Variants in B3GALT1 observed in about 807,000 individuals in gnomAD.
B3GALT1 encodes beta-1,3-galactosyltransferase 1, also known as UDP-Gal:betaGlcNAc beta 1,3-galactosyltransferase, polypeptide 1.
B3GALT1 carries 10 observed loss-of-function variants against 23.2 expected under a neutral mutation model. That is an observed-to-expected ratio of 0.43 (90% CI 0.27 to 0.73). The LOEUF (loss-of-function observed/expected upper bound fraction) is 0.73. B3GALT1 is among the 30% of genes least tolerant of loss of function. The probability of loss-of-function intolerance (pLI) is 0.21; values close to 1 mark genes in which losing one functional copy is unlikely to be tolerated. For synonymous variants in B3GALT1, 156 were observed against 141.5 expected, an observed-to-expected ratio of 1.10 and a Z score of -0.73; for missense variants, 299 against 405.4, an observed-to-expected ratio of 0.74 and a Z score of 2.25.
intron 1 of B3GALT1, among the ~76,000 whole-genome samples, chr2:167,296,698 A>G (rs900667594): frequency 2.6e-5 from 4 of 152,172 alleles, no homozygotes; most frequent in East Asian, 1.9e-4. Context: ...TGTTCCTACT[A>G]TGTGCAAAAT....
intron 1 of B3GALT1, among the ~76,000 whole-genome samples, chr2:167,325,350 G>A (rs1423985880): frequency 6.6e-6 from 1 of 152,004 alleles, no homozygotes; most frequent in Non-Finnish European, 1.5e-5. Context: ...AGCATGGCTG[G>A]GGAGGCCTCA....
chr2:167,501,718 C>CA (rs35445623), intron 2 of B3GALT1, among the ~76,000 whole-genome samples: 3,704 of 65,138 alleles, frequency 0.057, 177 homozygotes, highest in Non-Finnish European at 0.069. Context: ...TCTACAGTGG[C>CA]AAAAAAAAAA....
At chr2:167,377,759 C>T (rs1275679660) in intron 1 of B3GALT1, among the ~76,000 whole-genome samples, 1 of 151,980 alleles carries the variant, frequency 6.6e-6, no homozygotes, top group African/African-American at 2.4e-5. Context: ...ACAGGTAAGT[C>T]TTGTTTTTTA....
intron 3 of B3GALT1, among the ~76,000 whole-genome samples, chr2:167,710,870 G>A (rs547423595): frequency 6.6e-6 from 1 of 152,230 alleles, no homozygotes; most frequent in East Asian, 1.9e-4. Context: ...TTAATAAATA[G>A]CCCGTAGCTG....
At chr2:167,596,914 G>A (rs1574159140) in intron 2 of B3GALT1, among the ~76,000 whole-genome samples, 1 of 152,070 alleles carries the variant, frequency 6.6e-6, no homozygotes, top group East Asian at 1.9e-4. Context: ...ATGTCAAATT[G>A]GTTCTGGAAA....
At chr2:167,369,006 T>C (rs927487161) in intron 1 of B3GALT1, among the ~76,000 whole-genome samples, 3 of 151,996 alleles carry the variant, frequency 2.0e-5, no homozygotes, top group Non-Finnish European at 4.4e-5. Context: ...TATCACAAAA[T>C]TTACATTTTT....
At chr2:167,577,390 T>C (rs1371905224) in intron 2 of B3GALT1, among the ~76,000 whole-genome samples, 1 of 151,914 alleles carries the variant, frequency 6.6e-6, no homozygotes, top group Non-Finnish European at 1.5e-5. Flanking sequence ...AAGGTATTCA[T>C]TTATCAAGTG....
At chr2:167,766,747 G>A (rs969327840) in intron 3 of B3GALT1, among the ~76,000 whole-genome samples, 1 of 152,158 alleles carries the variant, frequency 6.6e-6, no homozygotes, top group Admixed American at 6.6e-5. Flanking sequence ...TGGTGGAGAA[G>A]GACTCTCTGG....
chr2:167,703,030 G>A (rs1321945025), intron 3 of B3GALT1, among the ~76,000 whole-genome samples: 1 of 152,194 alleles, frequency 6.6e-6, no homozygotes, highest in African/African-American at 2.4e-5. Context: ...TCTAGAGAGT[G>A]AATGCTCACC....
chr2:167,653,252 AG>A, intron 3 of B3GALT1, among the ~76,000 whole-genome samples: 1 of 152,330 alleles, frequency 6.6e-6, no homozygotes, highest in South Asian at 2.1e-4. Context: ...TGAAGAAATT[AG>A]GATTCAAAAC....
chr2:167,666,663 G>C (rs1047654503), intron 3 of B3GALT1, among the ~76,000 whole-genome samples: 8 of 152,166 alleles, frequency 5.3e-5, no homozygotes, highest in Non-Finnish European at 8.8e-5. Context: ...ATTTGGGATA[G>C]TTAGCTCTTC....
chr2:167,614,437 T>C (rs1315224664), intron 2 of B3GALT1, among the ~76,000 whole-genome samples: 2 of 150,356 alleles, frequency 1.3e-5, no homozygotes, highest in East Asian at 3.9e-4. Flanking sequence ...TGTTTAAGAG[T>C]TTTCAATTGT....
chr2:167,572,803 G>C (rs1404793875), intron 2 of B3GALT1, among the ~76,000 whole-genome samples: 3 of 151,782 alleles, frequency 2.0e-5, no homozygotes, highest in African/African-American at 7.2e-5. Context: ...GATGCCAAAA[G>C]GAGCCCTCCA....
intron 1 of B3GALT1, among the ~76,000 whole-genome samples, chr2:167,422,188 A>G (rs1459064802): frequency 1.3e-5 from 2 of 151,836 alleles, no homozygotes; most frequent in Non-Finnish European, 2.9e-5. Context: ...GTGACATAAG[A>G]GAGCATTCTC....
intron 1 of B3GALT1, among the ~76,000 whole-genome samples, chr2:167,459,684 C>T (rs1421783638): frequency 6.6e-6 from 1 of 151,928 alleles, no homozygotes; most frequent in East Asian, 1.9e-4. Flanking sequence ...ATGGATTTAC[C>T]TTTATTGAGT....
chr2:167,853,722 A>G (rs1689948648), intron 4 of B3GALT1, among the ~76,000 whole-genome samples: 1 of 152,196 alleles, frequency 6.6e-6, no homozygotes, highest in Admixed American at 6.5e-5. Flanking sequence ...ATGTTGGCAC[A>G]TGTAATTATA....
chr2:167,308,042 A>G (rs1005221864), intron 1 of B3GALT1, among the ~76,000 whole-genome samples: 1 of 152,062 alleles, frequency 6.6e-6, no homozygotes, highest in African/African-American at 2.4e-5. Flanking sequence ...GTGGAGAGTA[A>G]TATTAGTAAC....
At chr2:167,519,581 T>C (rs35898264) in intron 2 of B3GALT1, among the ~76,000 whole-genome samples, 1 of 152,206 alleles carries the variant, frequency 6.6e-6, no homozygotes, top group African/African-American at 2.4e-5. Flanking sequence ...AGGTTTATTG[T>C]ATATATTAAA....
intron 4 of B3GALT1, among the ~76,000 whole-genome samples, chr2:167,835,982 G>C (rs1346107262): frequency 6.6e-6 from 1 of 152,156 alleles, no homozygotes; most frequent in African/African-American, 2.4e-5. Context: ...CTGTTTGTTA[G>C]AAGGAAAACT....
Sources: allele counts gnomAD v4.1 joint callset (sites outside exome capture counted in the v4.1 genomes callset), GRCh38; gene constraint gnomAD v4.1.1; transcripts MANE v1.5; gene names NCBI Gene and HGNC (gene_info 2026-07-23, HGNC 2026-07-21).